TFDP2: variants seen among roughly 807,000 people sequenced by gnomAD.
TFDP2 encodes transcription factor Dp-2, also known as transcription factor Dp-2 (E2F dimerization partner 2).
A neutral mutation model predicts 59.3 loss-of-function variants in TFDP2; 17 were observed. The observed-to-expected ratio is 0.29, with a 90% CI of 0.20 to 0.43. TFDP2 has a LOEUF of 0.43. Ranked by LOEUF, TFDP2 falls within the 20% of genes least tolerant of loss-of-function variation. The probability of loss-of-function intolerance (pLI) is 1.00; values close to 1 mark genes in which losing one functional copy is unlikely to be tolerated. For synonymous variants in TFDP2, 180 were observed against 194.7 expected, an observed-to-expected ratio of 0.92 and a Z score of 0.63; for missense variants, 391 against 528.8, an observed-to-expected ratio of 0.74 and a Z score of 2.56.
intron 3 of TFDP2, among the ~76,000 whole-genome samples, chr3:142,065,740 T>G (rs1345943607): frequency 6.6e-6 from 1 of 152,106 alleles, no homozygotes; most frequent in African/African-American, 2.4e-5. Flanking sequence ...CTCAAACTCC[T>G]GACCTCAAGT....
At chr3:142,017,265 AG>A (rs1945198425) in intron 3 of TFDP2, among the ~76,000 whole-genome samples, 2 of 152,324 alleles carry the variant, frequency 1.3e-5, no homozygotes, top group South Asian at 4.1e-4. Context: ...CTACAACAAT[AG>A]GGGCTTTGTC....
At chr3:142,053,891 C>T (rs996254007) in intron 3 of TFDP2, among the ~76,000 whole-genome samples, 8 of 152,116 alleles carry the variant, frequency 5.3e-5, no homozygotes, top group East Asian at 1.9e-4. Flanking sequence ...TGAAAAGATT[C>T]GTAATATCAT....
intron 1 of TFDP2, among the ~76,000 whole-genome samples, chr3:142,105,407 A>G (rs1159284233): frequency 6.6e-6 from 1 of 152,172 alleles, no homozygotes; most frequent in African/African-American, 2.4e-5. Flanking sequence ...ATGAAATATA[A>G]GCAGACATTG....
At chr3:142,127,400 G>A (rs995831467) in intron 1 of TFDP2, among the ~76,000 whole-genome samples, 1 of 147,540 alleles carries the variant, frequency 6.8e-6, no homozygotes, top group Non-Finnish European at 1.5e-5. Flanking sequence ...TCTAACTCCC[G>A]GGTTCAAGCA....
chr3:142,093,371 C>T (rs576426904), intron 2 of TFDP2, among the ~76,000 whole-genome samples: 2 of 151,772 alleles, frequency 1.3e-5, no homozygotes, highest in African/African-American at 4.8e-5. Context: ...ATTGCTTGAG[C>T]CTGGGAGGCA....
intron 2 of TFDP2, among the ~76,000 whole-genome samples, chr3:142,098,368 G>C (rs951854102): frequency 2.0e-5 from 3 of 149,570 alleles, no homozygotes; most frequent in African/African-American, 7.4e-5. Context: ...AAATATTACT[G>C]GATACTAGAT....
chr3:141,948,298 T>TG lies in TFDP2; in HGVS notation c.*4214_*4215insC, dbSNP rs1935475745. ...GGCTCACACCTGTAATCCCAGCACT[T>TG]CGGGAGGCTGAGGTGGGCAGATCAC... is the stretch of plus-strand genomic sequence containing the variant. On this transcript the variant is annotated 3_prime_UTR_variant, in exon 13 of 13. Transcript: ENST00000489671. 6.6e-6 allele frequency: 1 copy of TG among 152,080 alleles called. No homozygotes were observed. The allele number at this position is 152,080 out of a possible 1,614,324, so 9.4% of individuals were successfully genotyped here. A position where few individuals can be genotyped will look rare whatever the true frequency, so the allele number is the denominator to read the frequency against.
chr3:141,952,838 G>C (rs1397524143), intron 12 of TFDP2, 73 bp downstream of exon 12: 1 of 1,554,740 alleles, frequency 6.4e-7, no homozygotes, highest in East Asian at 2.2e-5. Flanking sequence ...GCAGTAACAT[G>C]ACCCCGGCTC....
At chr3:142,130,448 T>C (rs2062453760) in intron 1 of TFDP2, among the ~76,000 whole-genome samples, 1 of 151,890 alleles carries the variant, frequency 6.6e-6, no homozygotes, top group Admixed American at 6.6e-5. Context: ...GAAGGAGGAA[T>C]GGGAATTATT....
chr3:141,996,540 C>G (rs1390581134), intron 4 of TFDP2, among the ~76,000 whole-genome samples: 1 of 152,198 alleles, frequency 6.6e-6, no homozygotes, highest in South Asian at 2.1e-4. Flanking sequence ...TAATTTTTAT[C>G]TCCCTGACCA....
In TFDP2 at chr3:142,028,686, A is replaced by G. The variant is rs982503496; in HGVS notation, c.83-23142T>C. Reference sequence around the variant, plus strand: ...GTGTCAGACGTAAGCAATCGAGCTCAGAAAAGCTCAATTTAAAATACTTCT... The same window carrying G: ...GTGTCAGACGTAAGCAATCGAGCTCGGAAAAGCTCAATTTAAAATACTTCT... On this transcript the variant is annotated intron_variant, in intron 3 of 12. Coordinates refer to ENST00000489671, the MANE Select transcript of TFDP2 (RefSeq NM_001178139.2). The G allele has an allele frequency of 1.2e-5, 12 of 985,288 alleles. No individual in the cohort carries two copies. The African/African-American group carries it at 2.1e-4, about 17-fold the overall frequency. 61.0% of individuals were successfully genotyped at this position (985,288 alleles called of 1,614,324 possible). A position where few individuals can be genotyped will look rare whatever the true frequency, so the allele number is the denominator to read the frequency against.
chr3:142,044,455 C>CG (rs1226841980), intron 3 of TFDP2, among the ~76,000 whole-genome samples: 1 of 151,988 alleles, frequency 6.6e-6, no homozygotes, highest in Non-Finnish European at 1.5e-5. Context: ...AGGATGGTCT[C>CG]GATCTGTTGA....
At chr3:141,999,553 A>G (rs564606512) in intron 4 of TFDP2, among the ~76,000 whole-genome samples, 14 of 152,178 alleles carry the variant, frequency 9.2e-5, no homozygotes, top group African/African-American at 3.1e-4. Context: ...GAAAAGGGCA[A>G]GTATCTCAAA....
chr3:142,125,111 C>A (rs2062188459), intron 1 of TFDP2, among the ~76,000 whole-genome samples: 1 of 152,038 alleles, frequency 6.6e-6, no homozygotes, highest in South Asian at 2.1e-4. Context: ...GAGGCTGAGG[C>A]AGGAGGATCA....
At chr3:142,046,079 T>C (rs1326721310) in intron 3 of TFDP2, among the ~76,000 whole-genome samples, 2 of 152,186 alleles carry the variant, frequency 1.3e-5, no homozygotes, top group African/African-American at 2.4e-5. Context: ...ATTCAGTTTG[T>C]CATGACTTAA....
At chr3:142,126,694 C>T (rs1025035804) in intron 1 of TFDP2, among the ~76,000 whole-genome samples, 1 of 151,988 alleles carries the variant, frequency 6.6e-6, no homozygotes, top group African/African-American at 2.4e-5. Context: ...TGCCTGTAAT[C>T]CCAGCATTTT....
At position 141,959,738 on chromosome 3, in the gene TFDP2, G is replaced by A. The variant is rs192120338; in HGVS notation, c.987C>T (p.Cys329=). 2 of 1,614,024 alleles carry A rather than the reference G, an allele frequency of 1.2e-6. No individual in the cohort carries two copies. The highest frequency in any genetic ancestry group is 2.2e-5 in the East Asian group (1 of 44,894). ...TCGCAAGTTTCAGATCCTCCAGAGA[G>A]CATTTGCCTGACTCCAGGCCAAACG... The part of the protein sequence containing the change: ...GMSFGLESGK[C]SLEDLKLAKS... The change falls in exon 11 of 13, where the codon TGC becomes TGT. Residue 329 remains cysteine (C), a synonymous_variant. Transcript: ENST00000489671.
At chr3:142,124,958 C>T (rs550438487) in intron 1 of TFDP2, among the ~76,000 whole-genome samples, 16 of 152,168 alleles carry the variant, frequency 1.1e-4, no homozygotes, top group East Asian at 3.9e-4. Context: ...TGCTCTGGGA[C>T]GCCAAGGTGG....
intron 1 of TFDP2, among the ~76,000 whole-genome samples, chr3:142,141,057 ACTC>A (rs2062937226): frequency 6.6e-6 from 1 of 151,914 alleles, no homozygotes; most frequent in Non-Finnish European, 1.5e-5. Flanking sequence ...TTGTTTACCT[ACTC>A]AAGCCTCAGC....
Sources: allele counts gnomAD v4.1 joint callset (sites outside exome capture counted in the v4.1 genomes callset), GRCh38; gene constraint gnomAD v4.1.1; transcripts MANE v1.5; gene names NCBI Gene and HGNC (gene_info 2026-07-23, HGNC 2026-07-21).